Variants in TANC2 observed in about 807,000 individuals in gnomAD.
TANC2 encodes the protein protein TANC2.
TANC2 carries 26 observed loss-of-function variants against 210.5 expected under a neutral mutation model. That is an observed-to-expected ratio of 0.12 (90% CI 0.09 to 0.17). The LOEUF (loss-of-function observed/expected upper bound fraction) is 0.17, where lower values mean the gene tolerates loss of function less well. Among genes scored for constraint, TANC2 ranks in the 10% least tolerant of loss-of-function variants. TANC2 has a pLI of 1.00. For synonymous variants in TANC2, 931 were observed against 967.1 expected (o/e 0.96, Z 0.69); for missense variants, 2,129 against 2,608.9 (o/e 0.82, Z 4.01).
rs1290658354 is a variant in TANC2, at chr17:63,412,088, A to G, written c.3856A>G (p.Thr1286Ala). 14 of 1,613,790 alleles carry G rather than the reference A, an allele frequency of 8.7e-6. No individual in the cohort carries two copies. Among genetic ancestry groups the G allele is most frequent in the Admixed American group, 1.7e-5 (1 of 60,000 alleles). The change falls in exon 23 of 28, where the codon ACT becomes GCT. Residue 1286 changes from threonine (T) to alanine (A), a missense_variant. Physicochemically the swap from Thr to Ala is moderately conservative, Grantham distance 58. Coordinates refer to ENST00000689528, the Ensembl canonical transcript of TANC2. This position sits in a 1 kb window ranked among gnomAD's most constrained non-coding sequence, Gnocchi z 4.2. The stretch of plus-strand genomic sequence containing the variant: ...GGATAGGGCAGTGGGGTGCCGGAAC[A>G]CTTCTGTTGTTGTCACTCTTCTGAA...
intron 2 of TANC2, among the ~76,000 whole-genome samples, chr17:63,033,146 G>C (rs1003846453): frequency 6.6e-6 from 1 of 152,162 alleles, no homozygotes; most frequent in Admixed American, 6.6e-5. Flanking sequence ...CTGACATGAG[G>C]TTCACTGACC....
intron 2 of TANC2, among the ~76,000 whole-genome samples, chr17:63,027,534 GA>G (rs928636103): frequency 6.6e-5 from 10 of 151,542 alleles, no homozygotes; most frequent in South Asian, 2.1e-4. Context: ...TTATTTCAAA[GA>G]AAAAAAACCT....
At chr17:63,340,316 A>G in exon 12 of TANC2, 1 of 1,613,940 alleles carries the variant, frequency 6.2e-7, no homozygotes, top group Non-Finnish European at 8.5e-7. Flanking sequence ...TGGAGCCACT[A>G]GAAAATCTCC....
chr17:63,060,607 C>CGA (rs2035961821), intron 2 of TANC2, among the ~76,000 whole-genome samples: 3 of 134,858 alleles, frequency 2.2e-5, no homozygotes, highest in Non-Finnish European at 3.1e-5. Flanking sequence ...GAGATAAGAG[C>CGA]GAAACTCTGT....
At position 63,406,027 on chromosome 17, in the gene TANC2, G is replaced by T. The variant is rs558993682; in HGVS notation, c.3466-127G>T. On this transcript the variant is annotated intron_variant, in intron 20 of 27. Coordinates refer to ENST00000689528, the Ensembl canonical transcript of TANC2. ...TAGGACTATACAGGTACTTATGGGGGAAGTGGAAAGATACATGGGTGACTC... is the reference window on the plus strand; with the variant it reads ...TAGGACTATACAGGTACTTATGGGGTAAGTGGAAAGATACATGGGTGACTC... 24 of 1,202,346 alleles carry T rather than the reference G, an allele frequency of 2.0e-5. No homozygotes were observed. In the East Asian group the frequency reaches 5.3e-4, roughly 27 times the overall value. The allele number at this position is 1,202,346 out of a possible 1,614,324, so 74.5% of individuals were successfully genotyped here.
At chr17:63,094,448 T>A (rs1316357870) in intron 3 of TANC2, among the ~76,000 whole-genome samples, 1 of 152,174 alleles carries the variant, frequency 6.6e-6, no homozygotes, top group Non-Finnish European at 1.5e-5. Context: ...AAAAGTAAAC[T>A]TTTATTGAAG....
At chr17:63,138,798 A>C (rs2039182864) in intron 4 of TANC2, among the ~76,000 whole-genome samples, 1 of 152,244 alleles carries the variant, frequency 6.6e-6, no homozygotes, top group African/African-American at 2.4e-5. Flanking sequence ...GAATGACCTC[A>C]TGATTTACTC....
intron 3 of TANC2, among the ~76,000 whole-genome samples, chr17:63,090,411 GT>G: frequency 3.3e-5 from 5 of 151,900 alleles, no homozygotes; most frequent in Middle Eastern, 3.4e-3. Context: ...CCCTTCCTGT[GT>G]CCATGTGTTC....
At chr17:63,265,718 T>G (rs1401027825) in intron 8 of TANC2, among the ~76,000 whole-genome samples, 3 of 152,052 alleles carry the variant, frequency 2.0e-5, no homozygotes, top group Admixed American at 2.0e-4. Flanking sequence ...AGCAAAGACA[T>G]AGAAATCTTC....
At chr17:63,286,210 G>A (rs1243333566) in intron 9 of TANC2, among the ~76,000 whole-genome samples, 1 of 152,068 alleles carries the variant, frequency 6.6e-6, no homozygotes, top group Non-Finnish European at 1.5e-5. Context: ...TCATTTCTTT[G>A]TGTTAATCCA....
chr17:63,244,047 T>C (rs1253724179), intron 8 of TANC2, among the ~76,000 whole-genome samples: 1 of 152,200 alleles, frequency 6.6e-6, no homozygotes, highest in Non-Finnish European at 1.5e-5. Context: ...CTTGCAAAAT[T>C]GCCTTTGTTT....
intron 21 of TANC2, among the ~76,000 whole-genome samples, chr17:63,410,860 CAAAAAAAAAAAAAAAAA>C (rs34268418): frequency 1.3e-4 from 5 of 39,014 alleles, no homozygotes; most frequent in South Asian, 2.0e-3. Flanking sequence ...GACTCCATCT[CAAAAAAAAAAAAAAAAA>C]AAAAAAAAAA....
chr17:63,123,952 T>C (rs1035614877), intron 4 of TANC2, among the ~76,000 whole-genome samples: 1 of 152,024 alleles, frequency 6.6e-6, no homozygotes, highest in Non-Finnish European at 1.5e-5. Flanking sequence ...CCACCCGCCT[T>C]GGCCTCCCAA....
chr17:63,249,950 G>A (rs1434864597), intron 8 of TANC2, among the ~76,000 whole-genome samples: 1 of 152,028 alleles, frequency 6.6e-6, no homozygotes, highest in Non-Finnish European at 1.5e-5. Flanking sequence ...TCTCTAAAAT[G>A]TTGTATACCA....
At chr17:63,075,716 C>T (rs1456535614) in intron 3 of TANC2, among the ~76,000 whole-genome samples, 1 of 151,844 alleles carries the variant, frequency 6.6e-6, no homozygotes, top group Non-Finnish European at 1.5e-5. Context: ...TGAGTTTTCA[C>T]CATATTGGCC....
At chr17:63,123,419 T>C (rs999528338) in intron 4 of TANC2, among the ~76,000 whole-genome samples, 9 of 151,436 alleles carry the variant, frequency 5.9e-5, no homozygotes, top group African/African-American at 2.2e-4. Flanking sequence ...ATTAGCCAGA[T>C]GTGATGGCTG....
At chr17:63,171,081 CTTTTTTTTT>C (rs578140711) in intron 5 of TANC2, among the ~76,000 whole-genome samples, 4 of 98,080 alleles carry the variant, frequency 4.1e-5, no homozygotes, top group Admixed American at 1.1e-4. Context: ...GTATTTCTTT[CTTTTTTTTT>C]TTTTTTTTTT....
At chr17:63,102,582 A>G (rs1213976181) in intron 4 of TANC2, among the ~76,000 whole-genome samples, 1 of 151,768 alleles carries the variant, frequency 6.6e-6, no homozygotes, top group Non-Finnish European at 1.5e-5. Flanking sequence ...TTAACTCATC[A>G]TTTACATTAG....
intron 9 of TANC2, among the ~76,000 whole-genome samples, chr17:63,306,101 G>A (rs183960740): frequency 6.6e-6 from 1 of 152,312 alleles, no homozygotes; most frequent in African/African-American, 2.4e-5. Flanking sequence ...TATCCAAAAC[G>A]GAGTGACTGA....
Sources: allele counts gnomAD v4.1 joint callset (sites outside exome capture counted in the v4.1 genomes callset), GRCh38; gene constraint gnomAD v4.1.1; non-coding constraint Gnocchi (gnomAD v3.1); transcripts MANE v1.5; gene names NCBI Gene and HGNC (gene_info 2026-07-23, HGNC 2026-07-21).